The following COL27A1 variants were observed in gnomAD, a reference collection of about 807,000 sequenced individuals.
COL27A1 encodes the protein collagen alpha-1(XXVII) chain.
A neutral mutation model predicts 251.3 loss-of-function variants in COL27A1; 106 were observed. The observed-to-expected ratio is 0.42, with a 90% CI of 0.36 to 0.50. The LOEUF is 0.50. COL27A1 is among the 20% of genes least tolerant of loss of function. COL27A1 has a pLI of 0.00. For synonymous variants in COL27A1, 1,000 were observed against 986.3 expected (o/e 1.01, Z -0.26); for missense variants, 2,325 against 2,522.8 (o/e 0.92, Z 1.68).
At chr9:114,289,407 G>A (rs1827753748) in intron 45 of COL27A1, 112 bp downstream of exon 45, 1 of 1,081,642 alleles carries the variant, frequency 9.2e-7, no homozygotes, top group Non-Finnish European at 1.3e-6. Flanking sequence ...GGCAGGGTAG[G>A]GAGGGGCGGC....
At chr9:114,306,975 G>T in intron 58 of COL27A1, 1 of 368,848 alleles carries the variant, frequency 2.7e-6, no homozygotes. Flanking sequence ...TCCCGGGTGA[G>T]CCAGGATTTT....
At chr9:114,236,412 C>CA (rs1316504292) in intron 17 of COL27A1, among the ~76,000 whole-genome samples, 1 of 152,180 alleles carries the variant, frequency 6.6e-6, no homozygotes, top group East Asian at 1.9e-4. Flanking sequence ...ACTGGCCTTA[C>CA]AAAATGACAT....
intron 16 of COL27A1, among the ~76,000 whole-genome samples, chr9:114,232,200 G>C (rs1030312686): frequency 2.6e-5 from 4 of 152,210 alleles, no homozygotes; most frequent in African/African-American, 9.6e-5. Flanking sequence ...GAGCAAGGAG[G>C]GTGGCAGTGA....
intron 14 of COL27A1, among the ~76,000 whole-genome samples, chr9:114,230,829 A>T (rs1378548962): frequency 6.6e-6 from 1 of 152,236 alleles, no homozygotes; most frequent in Non-Finnish European, 1.5e-5. Flanking sequence ...AATATTGAAT[A>T]TGGAAAGGAA....
At chr9:114,294,631 A>G (rs1019338975) in intron 49 of COL27A1, among the ~76,000 whole-genome samples, 6 of 152,248 alleles carry the variant, frequency 3.9e-5, no homozygotes, top group Non-Finnish European at 5.9e-5. Context: ...AGCATTTGAG[A>G]AAAATCTAAC....
In COL27A1 at chr9:114,183,470, A is replaced by G. The variant is rs79060524; in HGVS notation, c.2016+395A>G. Among the ~76,000 whole-genome samples, 481 of 152,206 alleles carry G rather than the reference A, an allele frequency of 3.2e-3. 2 individuals carry two copies. The highest frequency in any genetic ancestry group is 0.011 in the African/African-American group (444 of 41,514). ...AAGCTCACTGGATGCCCTGAGGAGG[A>G]TGAATGCGGGGTGGGGAACCAGAGC... On this transcript the variant is annotated intron_variant, in intron 5 of 60. Transcript: ENST00000356083.
intron 20 of COL27A1, 78 bp downstream of exon 20, chr9:114,240,351 T>C: frequency 6.3e-7 from 1 of 1,586,520 alleles, no homozygotes; most frequent in African/African-American, 1.3e-5. Context: ...CTGCCTGGCT[T>C]GGAAGCAGGG....
At chr9:114,235,574 A>G (rs1325255862) in intron 16 of COL27A1, 25 bp from the exon 17 acceptor site, 3 of 1,608,248 alleles carry the variant, frequency 1.9e-6, no homozygotes, top group Non-Finnish European at 2.6e-6. Flanking sequence ...CTCCATTGTA[A>G]CCTTCTTTGC....
rs1403474532 is a variant in COL27A1 at position 114,304,688 on chromosome 9, T to A, written c.4938+15T>A. Reference sequence around the variant, plus strand: ...TCAGGCCAGAGGTATCTCCAGGGGCTCTCCCCATGTGGGATCCCTTCCTGG... The same window carrying A: ...TCAGGCCAGAGGTATCTCCAGGGGCACTCCCCATGTGGGATCCCTTCCTGG... On this transcript the variant is annotated intron_variant, in intron 57 of 60. Coordinates refer to ENST00000356083, the MANE Select transcript of COL27A1 (RefSeq NM_032888.4). 6.2e-7 allele frequency: 1 copy of A among 1,611,922 alleles called. No individual in the cohort carries two copies. Among genetic ancestry groups the A allele is most frequent in the Non-Finnish European group, 8.5e-7 (1 of 1,178,302 alleles).
At chr9:114,190,108 G>T (rs769746632) in intron 5 of COL27A1, among the ~76,000 whole-genome samples, 2 of 152,188 alleles carry the variant, frequency 1.3e-5, no homozygotes, top group Non-Finnish European at 2.9e-5. Context: ...AGCCAGATTT[G>T]ACCCATTCCT....
intron 7 of COL27A1, among the ~76,000 whole-genome samples, 165 bp from the exon 8 acceptor site, chr9:114,204,937 C>A (rs938138590): frequency 2.0e-5 from 3 of 152,172 alleles, no homozygotes; most frequent in African/African-American, 7.2e-5. Context: ...TGTGAACCCT[C>A]ACATGGTATC....
rs139530439 is a variant in COL27A1 at position 114,214,805 on chromosome 9, C to T, written c.2367+3779C>T. Among the ~76,000 whole-genome samples the T allele has an allele frequency of 3.9e-5, 6 of 152,314 alleles. No individual in the cohort carries two copies. The East Asian group carries it at 9.6e-4, about 24-fold the overall frequency. On this transcript the variant is annotated intron_variant, in intron 12 of 60. Transcript: ENST00000356083. Reference sequence around the variant, plus strand: ...AAGAGAACGTGTTGTGGTTTTCTGGCGAGGGGTCCAGGTGGAAAATGTTAC... The same window carrying T: ...AAGAGAACGTGTTGTGGTTTTCTGGTGAGGGGTCCAGGTGGAAAATGTTAC...
intron 23 of COL27A1, among the ~76,000 whole-genome samples, chr9:114,244,746 A>G (rs573155363): frequency 6.6e-5 from 10 of 152,294 alleles, no homozygotes; most frequent in Middle Eastern, 3.4e-3. Context: ...GGCTAGCCCG[A>G]GCCCATGTCC....
intron 48 of COL27A1, among the ~76,000 whole-genome samples, chr9:114,291,846 AAGG>A (rs1195316075): frequency 1.1e-4 from 16 of 152,166 alleles, no homozygotes; most frequent in African/African-American, 3.9e-4. Context: ...GAAAAGCAAT[AAGG>A]AGGAGAGGAA....
At chr9:114,252,131 G>A (rs1833585288) in intron 25 of COL27A1, among the ~76,000 whole-genome samples, 1 of 152,220 alleles carries the variant, frequency 6.6e-6, no homozygotes, top group Non-Finnish European at 1.5e-5. Context: ...TTGGTCGAGA[G>A]GGAATGAGTT....
chr9:114,305,405 A>G (rs1437619545), intron 57 of COL27A1, among the ~76,000 whole-genome samples: 1 of 152,112 alleles, frequency 6.6e-6, no homozygotes, highest in Non-Finnish European at 1.5e-5. Flanking sequence ...TGGAGAAGGG[A>G]AGCGTTTCCT....
intron 24 of COL27A1, among the ~76,000 whole-genome samples, chr9:114,246,458 T>C (rs1833137066): frequency 1.3e-5 from 2 of 152,128 alleles, no homozygotes; most frequent in Admixed American, 1.3e-4. Flanking sequence ...TCAATTAAAG[T>C]CCAGAGAAAC....
Position 114,282,580 on chromosome 9 carries a change from C to T in COL27A1, c.3879+16C>T. ...GGGACCAACGGTGAGGACTCTCTGG[C>T]TGGGGTGGGGGAGTCAGATGTGGAA... On this transcript the variant is annotated intron_variant, in intron 39 of 60. Coordinates refer to ENST00000356083, the MANE Select transcript of COL27A1 (RefSeq NM_032888.4). The T allele has an allele frequency of 6.8e-7, 1 of 1,468,260 alleles. No individual in the cohort carries two copies. The highest frequency in any genetic ancestry group is 9.1e-7 in the Non-Finnish European group (1 of 1,098,620). 91.0% of individuals were successfully genotyped at this position (1,468,260 alleles called of 1,614,324 possible).
At chr9:114,252,843 T>C (rs1488809843) in intron 26 of COL27A1, 36 bp from the exon 27 acceptor site, 1 of 1,608,232 alleles carries the variant, frequency 6.2e-7, no homozygotes, top group Admixed American at 1.7e-5. Context: ...GAAGCTTCCA[T>C]AGCTGATTCC....
Sources: allele counts gnomAD v4.1 joint callset (sites outside exome capture counted in the v4.1 genomes callset), GRCh38; gene constraint gnomAD v4.1.1; transcripts MANE v1.5; gene names NCBI Gene and HGNC (gene_info 2026-07-23, HGNC 2026-07-21).